GPC5: variants seen among roughly 807,000 people sequenced by gnomAD.
GPC5 encodes glypican 5.
GPC5 carries 47 observed loss-of-function variants against 53.9 expected under a neutral mutation model. The ratio of observed to expected loss-of-function variants is 0.87; its 90% confidence interval spans 0.69 to 1.11. GPC5 has a LOEUF of 1.11. GPC5 is among the 50% of genes most tolerant of loss of function. The pLI is 0.00. For missense variants in GPC5, 748 were observed against 713.1 expected (o/e 1.05, Z -0.56); for synonymous variants, 286 against 263.3 (o/e 1.09, Z -0.84).
intron 7 of GPC5, among the ~76,000 whole-genome samples, chr13:92,149,364 G>A (rs1566457109): frequency 2.6e-5 from 4 of 152,048 alleles, no homozygotes; most frequent in African/African-American, 7.2e-5. Flanking sequence ...GAGGTAGGAG[G>A]TAGGCTTATT....
intron 7 of GPC5, among the ~76,000 whole-genome samples, chr13:92,195,475 G>A (rs532255272): frequency 6.6e-6 from 1 of 152,250 alleles, no homozygotes; most frequent in East Asian, 1.9e-4. Context: ...CTTACTGTAT[G>A]GCAAGTATTT....
At chr13:92,057,847 T>G (rs1281989133) in intron 6 of GPC5, among the ~76,000 whole-genome samples, 2 of 152,200 alleles carry the variant, frequency 1.3e-5, no homozygotes, top group Non-Finnish European at 2.9e-5. Flanking sequence ...TTTTGTACTC[T>G]TTATATCTAA....
intron 7 of GPC5, among the ~76,000 whole-genome samples, chr13:92,685,589 T>A (rs1159819551): frequency 2.6e-5 from 3 of 116,804 alleles, no homozygotes; most frequent in Non-Finnish European, 5.4e-5. Context: ...TACTCTAAGT[T>A]TTAGGGTACA....
chr13:92,307,776 C>T (rs371525783), intron 7 of GPC5, among the ~76,000 whole-genome samples: 151 of 152,322 alleles, frequency 9.9e-4, no homozygotes, highest in African/African-American at 3.5e-3. Flanking sequence ...GAAGGAAACA[C>T]ATACAGAAAA....
intron 6 of GPC5, among the ~76,000 whole-genome samples, chr13:92,140,004 A>G (rs2041818248): frequency 6.6e-6 from 1 of 152,232 alleles, no homozygotes; most frequent in Admixed American, 6.5e-5. Context: ...CTAATCAGAA[A>G]GATATGACAC....
At chr13:92,116,098 G>GA (rs1371578963) in intron 6 of GPC5, among the ~76,000 whole-genome samples, 3 of 151,544 alleles carry the variant, frequency 2.0e-5, no homozygotes, top group East Asian at 1.9e-4. Context: ...AAAAAAATCA[G>GA]AAAAAAAATA....
At chr13:91,991,285 C>T (rs1384392710) in intron 6 of GPC5, among the ~76,000 whole-genome samples, 2 of 152,218 alleles carry the variant, frequency 1.3e-5, no homozygotes, top group African/African-American at 4.8e-5. Flanking sequence ...GAAGGAATTT[C>T]TACAGTTCGA....
intron 7 of GPC5, among the ~76,000 whole-genome samples, chr13:92,521,698 A>G (rs941611620): frequency 5.3e-5 from 8 of 152,188 alleles, no homozygotes; most frequent in African/African-American, 1.9e-4. Flanking sequence ...AGGCAATACC[A>G]TTCAGGACAT....
intron 5 of GPC5, among the ~76,000 whole-genome samples, chr13:91,885,473 T>C (rs1487707147): frequency 1.3e-5 from 2 of 152,228 alleles, no homozygotes; most frequent in Non-Finnish European, 2.9e-5. Context: ...GCTTTTGCTG[T>C]TCATCATTCA....
At chr13:92,790,880 G>A (rs1876435409) in intron 7 of GPC5, among the ~76,000 whole-genome samples, 1 of 151,886 alleles carries the variant, frequency 6.6e-6, no homozygotes, top group Non-Finnish European at 1.5e-5. Flanking sequence ...CAATAAACAT[G>A]GATTTGTTAA....
At chr13:92,715,617 ATACT>A (rs1223488166) in intron 7 of GPC5, among the ~76,000 whole-genome samples, 1 of 152,192 alleles carries the variant, frequency 6.6e-6, no homozygotes, top group Non-Finnish European at 1.5e-5. Flanking sequence ...TTGGATGTTT[ATACT>A]TACTTTGGAA....
Position 92,790,206 on chromosome 13 carries a change from G to C in GPC5, c.1562-76076G>C, listed in dbSNP as rs150080012. ...CCTTTGGCAACACCCTCACAGACAG[G>C]CCCAGGAACAATATTTTGCATCCCT... On this transcript the variant is annotated intron_variant, in intron 7 of 7. Transcript: ENST00000377067. Among the ~76,000 whole-genome samples, 190 of 152,088 alleles carry C rather than the reference G, an allele frequency of 1.2e-3. 1 individual carries two copies. Among genetic ancestry groups the C allele is most frequent in the African/African-American group, 4.5e-3 (185 of 41,514 alleles).
At chr13:92,731,837 G>A (rs574147420) in intron 7 of GPC5, among the ~76,000 whole-genome samples, 1 of 151,590 alleles carries the variant, frequency 6.6e-6, no homozygotes, top group African/African-American at 2.4e-5. Flanking sequence ...ATAAATGGGT[G>A]TTGAGTGACA....
chr13:92,762,651 T>C (rs540440240), intron 7 of GPC5, among the ~76,000 whole-genome samples: 1 of 152,296 alleles, frequency 6.6e-6, no homozygotes, highest in East Asian at 1.9e-4. Flanking sequence ...ATTTTTATTA[T>C]TAAATAAGCA....
chr13:91,546,405 G>A (rs567474683), intron 2 of GPC5, among the ~76,000 whole-genome samples: 1 of 151,968 alleles, frequency 6.6e-6, no homozygotes, highest in Non-Finnish European at 1.5e-5. Flanking sequence ...AAATTATAAG[G>A]CAGACCTTAA....
intron 7 of GPC5, among the ~76,000 whole-genome samples, chr13:92,460,954 T>C (rs908454643): frequency 1.3e-5 from 2 of 151,936 alleles, no homozygotes; most frequent in Non-Finnish European, 2.9e-5. Flanking sequence ...TAAGAGAAAA[T>C]AGCTGGGAAA....
At chr13:91,490,733 GA>G (rs1415568483) in intron 2 of GPC5, among the ~76,000 whole-genome samples, 11 of 152,198 alleles carry the variant, frequency 7.2e-5, no homozygotes, top group African/African-American at 2.7e-4. Context: ...AGCCCAGAGA[GA>G]AAAAGCTAAA....
chr13:92,215,597 A>G (rs557680017), intron 7 of GPC5, among the ~76,000 whole-genome samples: 2 of 152,270 alleles, frequency 1.3e-5, no homozygotes, highest in South Asian at 4.1e-4. Context: ...AAATGGGCAC[A>G]GGTGTTTTAG....
intron 7 of GPC5, among the ~76,000 whole-genome samples, chr13:92,370,743 A>AT (rs771669058): frequency 3.6e-4 from 55 of 152,302 alleles, no homozygotes; most frequent in Non-Finnish European, 6.6e-4. Flanking sequence ...AAAGAGTTTA[A>AT]TTTTTTATAA....
Sources: gnomAD v4.1 joint callset for allele counts (sites outside exome capture counted in the v4.1 genomes callset) on GRCh38, gnomAD v4.1.1 for gene constraint, MANE v1.5 for transcripts, NCBI Gene and HGNC (gene_info 2026-07-23, HGNC 2026-07-21) for gene names.